The following RGS5 variants were observed in gnomAD, a reference collection of about 807,000 sequenced individuals.
RGS5 encodes the protein regulator of G protein signaling 5, also known as regulator of G-protein signalling 5.
Under a neutral mutation model 18.9 loss-of-function variants are expected in RGS5, and 20 were observed. That is an observed-to-expected ratio of 1.06 (90% CI 0.74 to 1.54). RGS5 has a LOEUF of 1.54. Among genes scored for constraint, RGS5 ranks in the 40% most tolerant of loss-of-function variants. The pLI, the probability that RGS5 is intolerant of heterozygous loss-of-function variation, is 0.00. For synonymous variants in RGS5, 57 were observed against 76.2 expected (o/e 0.75, Z 1.31); for missense variants, 201 against 211.8 (o/e 0.95, Z 0.32).
At chr1:163,255,023 C>A (rs1354546709) in intron 2 of RGS5, among the ~76,000 whole-genome samples, 7 of 152,136 alleles carry the variant, frequency 4.6e-5, no homozygotes, top group African/African-American at 7.2e-5. Flanking sequence ...GTTTTGGTAC[C>A]AGTACCATGC....
At position 163,145,641 on chromosome 1, in the gene RGS5, A is replaced by G. The variant is rs3806365; in HGVS notation, c.*1701T>C. Reference sequence around the variant, plus strand: ...CTAGCAATTGTTGGCAGAACACCCAACCACTCTACCCAGTTTCAGAATGTG... The same window carrying G: ...CTAGCAATTGTTGGCAGAACACCCAGCCACTCTACCCAGTTTCAGAATGTG... On this transcript the variant is annotated 3_prime_UTR_variant, in exon 5 of 5. Transcript: ENST00000313961. 32,992 of 152,044 alleles carry G rather than the reference A, an allele frequency of 0.22. 6,133 individuals carry two copies. Among genetic ancestry groups the G allele is most frequent in the African/African-American group, 0.51 (21,012 of 41,412 alleles). 9.4% of individuals were successfully genotyped at this position (152,044 alleles called of 1,614,324 possible).
chr1:163,268,612 T>A (rs1201470524), intron 2 of RGS5, among the ~76,000 whole-genome samples: 1 of 152,008 alleles, frequency 6.6e-6, no homozygotes, highest in Non-Finnish European at 1.5e-5. Flanking sequence ...GCCAAACCAA[T>A]ATTCCCCCTG....
rs1419278515 is a variant in RGS5, at chr1:163,168,387, G to A, written c.45-19C>T. The A allele has an allele frequency of 2.3e-5, 36 of 1,554,842 alleles. No homozygotes were observed. Among genetic ancestry groups the A allele is most frequent in the Non-Finnish European group, 3.0e-5 (34 of 1,126,270 alleles). ...CTTGGCCCTGAAAGAAGAGACACAA[G>A]GGGAAATGAGGACACCACATGTGCA... On this transcript the variant is annotated intron_variant, in intron 1 of 4. Coordinates refer to ENST00000313961, the MANE Select transcript of RGS5 (RefSeq NM_003617.4).
At chr1:163,155,548 C>T (rs1657546529) in intron 3 of RGS5, among the ~76,000 whole-genome samples, 1 of 152,106 alleles carries the variant, frequency 6.6e-6, no homozygotes, top group African/African-American at 2.4e-5. Flanking sequence ...CTAAAGTGAC[C>T]CCTGAGACTG....
In RGS5 at chr1:163,196,311, C is replaced by T. The variant is rs75598714; in HGVS notation, c.44+6481G>A. ...GACTGAATTAATTAAAATTTAGCCC[C>T]TTTTCTCTCTGGCCAGCAGTACAGA... On this transcript the variant is annotated intron_variant, in intron 1 of 4. Transcript: ENST00000313961. Among the ~76,000 whole-genome samples the T allele has an allele frequency of 3.1e-3, 471 of 152,250 alleles. 6 individuals carry two copies. The highest frequency in any genetic ancestry group is 0.021 in the Admixed American group (328 of 15,286).
chr1:163,298,471 A>C (rs1176686613), intron 2 of RGS5, among the ~76,000 whole-genome samples: 1 of 152,142 alleles, frequency 6.6e-6, no homozygotes, highest in Non-Finnish European at 1.5e-5. Flanking sequence ...ATCCTGAGCT[A>C]AAGAAAGGAG....
chr1:163,202,243 A>G (rs1381195930), intron 1 of RGS5, among the ~76,000 whole-genome samples: 1 of 152,174 alleles, frequency 6.6e-6, no homozygotes, highest in Non-Finnish European at 1.5e-5. Context: ...GTCCCTGTAC[A>G]TTAATAAAAA....
chr1:163,149,195 A>C (rs1657274426), intron 4 of RGS5, among the ~76,000 whole-genome samples: 2 of 152,236 alleles, frequency 1.3e-5, no homozygotes, highest in South Asian at 4.1e-4. Context: ...GATGAAGTCC[A>C]ATGTCTGCCT....
At position 163,143,259 on chromosome 1, in the gene RGS5, A is replaced by G. The variant is rs1656995344; in HGVS notation, c.*4083T>C. 1 of 152,226 alleles carries G rather than the reference A, an allele frequency of 6.6e-6. No individual in the cohort carries two copies. Among genetic ancestry groups the G allele is most frequent in the African/African-American group, 2.4e-5 (1 of 41,476 alleles). 9.4% of individuals were successfully genotyped at this position (152,226 alleles called of 1,614,324 possible). A position where few individuals can be genotyped will look rare whatever the true frequency, so the allele number is the denominator to read the frequency against. On this transcript the variant is annotated 3_prime_UTR_variant, in exon 5 of 5. Transcript: ENST00000313961. ...TGTCTAATAGAATGAAGAGACTATA[A>G]GCCAGAGAGGTTTAATAGCAGTTGA...
At chr1:163,281,661 A>C (rs6679218) in intron 2 of RGS5, among the ~76,000 whole-genome samples, 3 of 151,944 alleles carry the variant, frequency 2.0e-5, no homozygotes, top group Admixed American at 2.0e-4. Context: ...GGGGCACACA[A>C]CCAAACCATA....
At chr1:163,257,167 T>C (rs762080618) in intron 2 of RGS5, among the ~76,000 whole-genome samples, 4 of 152,080 alleles carry the variant, frequency 2.6e-5, no homozygotes, top group Non-Finnish European at 5.9e-5. Flanking sequence ...ACTAAAGAAG[T>C]AGTTATTAAA....
intron 1 of RGS5, among the ~76,000 whole-genome samples, chr1:163,179,945 A>G (rs571426005): frequency 1.3e-5 from 2 of 152,202 alleles, no homozygotes; most frequent in Admixed American, 6.5e-5. Flanking sequence ...AAATGCTCCA[A>G]TCTACATTAT....
chr1:163,238,747 GC>G (rs1647700966), intron 2 of RGS5: 1 of 230,808 alleles, frequency 4.3e-6, no homozygotes, highest in Admixed American at 4.4e-5. Context: ...AGGTTTATCT[GC>G]TAATTAAAGT....
intron 1 of RGS5, among the ~76,000 whole-genome samples, chr1:163,179,280 C>T (rs1033949006): frequency 6.6e-6 from 1 of 152,140 alleles, no homozygotes; most frequent in African/African-American, 2.4e-5. Context: ...GTTTTTAAAC[C>T]TTACCTTGCC....
intron 2 of RGS5, among the ~76,000 whole-genome samples, chr1:163,286,233 A>T (rs1649144515): frequency 6.6e-6 from 1 of 152,196 alleles, no homozygotes; most frequent in African/African-American, 2.4e-5. Context: ...TCTAGAGGTG[A>T]TTTAAAATAT....
At chr1:163,247,325 G>A (rs549803556) in intron 2 of RGS5, among the ~76,000 whole-genome samples, 35 of 152,248 alleles carry the variant, frequency 2.3e-4, no homozygotes, top group African/African-American at 8.4e-4. Flanking sequence ...ATGAATTGTT[G>A]AGCTTTCAAG....
chr1:163,273,871 G>A (rs1648783976), intron 2 of RGS5, among the ~76,000 whole-genome samples: 1 of 152,078 alleles, frequency 6.6e-6, no homozygotes, highest in African/African-American at 2.4e-5. Context: ...GACTAAATTT[G>A]GGAAATCTGA....
At chr1:163,279,871 T>G (rs984942309) in intron 2 of RGS5, among the ~76,000 whole-genome samples, 15 of 151,980 alleles carry the variant, frequency 9.9e-5, no homozygotes. Flanking sequence ...TAGAGAGTAT[T>G]ATGAAAAACC....
rs567251497 is a variant in RGS5, at chr1:163,146,118, G to A, written c.*1224C>T. The A allele has an allele frequency of 3.9e-5, 6 of 152,160 alleles. No homozygotes were observed. The East Asian group carries it at 5.8e-4, about 15-fold the overall frequency. 9.4% of individuals were successfully genotyped at this position (152,160 alleles called of 1,614,324 possible). ...GTTTAAACCTACCAAAAGTCCTATG[G>A]CCTATTATTTAGCTGTGAATGAGAC... On this transcript the variant is annotated 3_prime_UTR_variant, in exon 5 of 5. Coordinates refer to ENST00000313961, the MANE Select transcript of RGS5 (RefSeq NM_003617.4).
Sources: allele counts gnomAD v4.1 joint callset (sites outside exome capture counted in the v4.1 genomes callset), GRCh38; gene constraint gnomAD v4.1.1; transcripts MANE v1.5; gene names NCBI Gene and HGNC (gene_info 2026-07-23, HGNC 2026-07-21).